Variants in ATRNL1 observed in about 807,000 individuals in gnomAD.
ATRNL1 encodes attractin-like protein 1.
ATRNL1 carries 95 observed loss-of-function variants against 182.7 expected under a neutral mutation model. The ratio of observed to expected loss-of-function variants is 0.52; its 90% CI spans 0.44 to 0.62. The LOEUF (loss-of-function observed/expected upper bound fraction) is 0.62, where lower values mean the gene tolerates loss of function less well. Ranked by LOEUF, ATRNL1 falls within the 20% of genes least tolerant of loss-of-function variation. The pLI, the probability that ATRNL1 is intolerant of heterozygous loss-of-function variation, is 0.00. For synonymous variants in ATRNL1, 576 were observed against 568.3 expected, an observed-to-expected ratio of 1.01 and a Z score of -0.19; for missense variants, 1,471 against 1,679.5, an observed-to-expected ratio of 0.88 and a Z score of 2.17.
chr10:115,828,350 A>G (rs1589568051), intron 27 of ATRNL1, among the ~76,000 whole-genome samples: 2 of 152,084 alleles, frequency 1.3e-5, no homozygotes, highest in East Asian at 3.9e-4. Context: ...AAGAAAAGAA[A>G]CACCAAGCCT....
At chr10:115,464,776 G>T (rs1487138866) in intron 22 of ATRNL1, among the ~76,000 whole-genome samples, 1 of 151,694 alleles carries the variant, frequency 6.6e-6, no homozygotes, top group Non-Finnish European at 1.5e-5. Context: ...CTCCTTAAGG[G>T]TACGCTGATT....
At chr10:115,225,258 T>G (rs1309971088) in intron 9 of ATRNL1, among the ~76,000 whole-genome samples, 1 of 151,656 alleles carries the variant, frequency 6.6e-6, no homozygotes, top group African/African-American at 2.4e-5. Context: ...TAGATAAAAT[T>G]TATCATGTAT....
intron 20 of ATRNL1, among the ~76,000 whole-genome samples, chr10:115,412,754 T>G: frequency 6.6e-6 from 1 of 152,224 alleles, no homozygotes; most frequent in East Asian, 1.9e-4. Flanking sequence ...AAATTTTACC[T>G]TTGTGTAAAT....
chr10:115,120,333 A>G (rs898252337), intron 2 of ATRNL1, 65 bp downstream of exon 2: 2 of 839,398 alleles, frequency 2.4e-6, no homozygotes, highest in Admixed American at 5.0e-5. Flanking sequence ...GATCATATTA[A>G]TGTCAGAGCA....
chr10:115,619,177 G>C (rs1555021825), intron 26 of ATRNL1, among the ~76,000 whole-genome samples: 1 of 152,092 alleles, frequency 6.6e-6, no homozygotes, highest in African/African-American at 2.4e-5. Context: ...GGGACATCAG[G>C]CAGGCCAATC....
intron 21 of ATRNL1, among the ~76,000 whole-genome samples, chr10:115,438,696 T>C (rs2172670): frequency 0.38 from 58,126 of 151,798 alleles, 12,498 homozygotes; most frequent in African/African-American, 0.58. Context: ...ATTGACTAAA[T>C]AACCTTAAAA....
chr10:115,694,172 G>GCACACA (rs71010040), intron 26 of ATRNL1, among the ~76,000 whole-genome samples: 346 of 146,920 alleles, frequency 2.4e-3, no homozygotes, highest in South Asian at 4.4e-3. Flanking sequence ...CTACACAGAC[G>GCACACA]CACACACACA....
In ATRNL1 at chr10:115,714,384, C is replaced by T. The variant is rs570031713; in HGVS notation, c.3796-12864C>T. On this transcript the variant is annotated intron_variant, in intron 26 of 28. Transcript: ENST00000355044. Reference sequence around the variant, plus strand: ...ATTTCCTGTTAACAGGCCCCCATCTCACCAATTGACTCCCAGGTACCACCC... The same window carrying T: ...ATTTCCTGTTAACAGGCCCCCATCTTACCAATTGACTCCCAGGTACCACCC... Among the ~76,000 whole-genome samples, 7 of 152,124 alleles carry T rather than the reference C, an allele frequency of 4.6e-5. No homozygotes were observed. The East Asian group carries it at 1.4e-3, about 29-fold the overall frequency.
At chr10:115,914,721 G>C (rs538940356) in intron 28 of ATRNL1, among the ~76,000 whole-genome samples, 1 of 152,104 alleles carries the variant, frequency 6.6e-6, no homozygotes, top group Non-Finnish European at 1.5e-5. Flanking sequence ...TCCATTTTAT[G>C]TTTCTTTTCC....
chr10:115,125,309 CTG>C (rs1360974780), intron 3 of ATRNL1, among the ~76,000 whole-genome samples: 5 of 152,132 alleles, frequency 3.3e-5, no homozygotes, highest in Non-Finnish European at 7.4e-5. Context: ...CAGAGATTTT[CTG>C]TGAGTGGCCC....
chr10:115,228,490 G>C (rs547520567), intron 9 of ATRNL1, among the ~76,000 whole-genome samples: 221 of 152,172 alleles, frequency 1.5e-3, no homozygotes, highest in African/African-American at 4.9e-3. Flanking sequence ...GCATATGTTT[G>C]TACAACTTAT....
At chr10:115,409,279 C>T (rs994113019) in intron 20 of ATRNL1, among the ~76,000 whole-genome samples, 4 of 152,062 alleles carry the variant, frequency 2.6e-5, no homozygotes, top group African/African-American at 9.7e-5. Flanking sequence ...AGAGTTCTTT[C>T]ACCTCCTTGG....
At chr10:115,806,023 G>C (rs1202831615) in intron 27 of ATRNL1, among the ~76,000 whole-genome samples, 1 of 152,058 alleles carries the variant, frequency 6.6e-6, no homozygotes, top group African/African-American at 2.4e-5. Flanking sequence ...TAATAAGATA[G>C]TTTATACAGT....
At position 115,444,835 on chromosome 10, in the gene ATRNL1, G is replaced by A. The variant is rs925768734; in HGVS notation, c.3323-17106G>A. Among the ~76,000 whole-genome samples, 4 of 151,834 alleles carry A rather than the reference G, an allele frequency of 2.6e-5. No individual in the cohort carries two copies. In the East Asian group the frequency reaches 5.9e-4, roughly 22 times the overall value. On this transcript the variant is annotated intron_variant, in intron 21 of 28. Transcript: ENST00000355044. ...CAACTTCCGCCTCTCGGGTTCATGCGATTCTCCTGCCTCAGCCTCCTGAGA... is the reference window on the plus strand; with the variant it reads ...CAACTTCCGCCTCTCGGGTTCATGCAATTCTCCTGCCTCAGCCTCCTGAGA...
At position 115,132,101 on chromosome 10, in the gene ATRNL1, C is replaced by A. The variant is rs188776969; in HGVS notation, c.829+2566C>A. On this transcript the variant is annotated intron_variant, in intron 5 of 28. Transcript: ENST00000355044. ...CCCCCTCCCCACACCCCACAACAGG[C>A]CCCAGTGTGGGATGTTCCCCTTCCT... is the stretch of plus-strand genomic sequence containing the variant. Among the ~76,000 whole-genome samples, 217 of 150,880 alleles carry A rather than the reference C, an allele frequency of 1.4e-3. 1 individual carries two copies. The highest frequency in any genetic ancestry group is 4.9e-3 in the African/African-American group (199 of 41,002).
intron 26 of ATRNL1, among the ~76,000 whole-genome samples, chr10:115,722,816 C>T (rs1224227188): frequency 6.6e-6 from 1 of 151,970 alleles, no homozygotes; most frequent in Non-Finnish European, 1.5e-5. Context: ...AATATGAAAT[C>T]TGATATTGAT....
At chr10:115,705,776 C>G (rs1351114805) in intron 26 of ATRNL1, among the ~76,000 whole-genome samples, 2 of 151,840 alleles carry the variant, frequency 1.3e-5, no homozygotes, top group African/African-American at 4.8e-5. Context: ...TTTGAATTAC[C>G]AGGTCAGACC....
intron 26 of ATRNL1, among the ~76,000 whole-genome samples, chr10:115,586,363 C>A (rs61882984): frequency 4.3e-5 from 4 of 93,552 alleles, no homozygotes; most frequent in Admixed American, 1.4e-4. Context: ...CAACTTGGTT[C>A]CATTCTCCCC....
rs138709567 is a variant in ATRNL1 at position 115,559,414 on chromosome 10, T to TTGTGTGTGTGTGTGTGTGTGTG, written c.3795+9887_3795+9908dup. Among the ~76,000 whole-genome samples, 228 of 147,632 alleles carry TTGTGTGTGTGTGTGTGTGTGTG rather than the reference T, an allele frequency of 1.5e-3. 2 individuals are homozygous for TTGTGTGTGTGTGTGTGTGTGTG. The highest frequency in any genetic ancestry group is 0.011 in the East Asian group (51 of 4,626). On this transcript the variant is annotated intron_variant, in intron 26 of 28. Coordinates refer to ENST00000355044, the MANE Select transcript of ATRNL1 (RefSeq NM_207303.4). ...CCTGACATACTCTCATTCTTGGTGTTTGTGTGTGTGTGTGTGTGTGTGTGT... is the reference window on the plus strand; with the variant it reads ...CCTGACATACTCTCATTCTTGGTGTTTGTGTGTGTGTGTGTGTGTGTGTGTGTGTGTGTGTGTGTGTGTGTGT...
Sources: gnomAD v4.1 joint callset for allele counts (sites outside exome capture counted in the v4.1 genomes callset) on GRCh38, gnomAD v4.1.1 for gene constraint, MANE v1.5 for transcripts, NCBI Gene and HGNC (gene_info 2026-07-23, HGNC 2026-07-21) for gene names.